Variants in TCOF1 observed in about 807,000 individuals in gnomAD.
TCOF1 encodes the protein treacle protein.
Under a neutral mutation model 149.0 loss-of-function variants are expected in TCOF1, and 33 were observed. The observed-to-expected ratio is 0.22, with a 90% confidence interval of 0.17 to 0.30. The LOEUF (loss-of-function observed/expected upper bound fraction) is 0.30. Among genes scored for constraint, TCOF1 ranks in the 10% least tolerant of loss-of-function variants. The pLI is 1.00. For missense variants in TCOF1, 1,728 were observed against 1,840.7 expected, an observed-to-expected ratio of 0.94 and a Z score of 1.12; for synonymous variants, 789 against 738.8, an observed-to-expected ratio of 1.07 and a Z score of -1.10.
chr5:150,399,257 A>C (rs1398786663), intron 26 of TCOF1, among the ~76,000 whole-genome samples, 187 bp downstream of exon 26: 2 of 152,230 alleles, frequency 1.3e-5, no homozygotes, highest in Admixed American at 6.5e-5. Flanking sequence ...CTGCAGCATC[A>C]GAAGGATCCA....
rs373649039 is a variant in TCOF1 at position 150,376,410 on chromosome 5, C to T, written c.2143-13C>T. The T allele has an allele frequency of 5.8e-5, 94 of 1,614,086 alleles. No homozygotes were observed. The highest frequency in any genetic ancestry group is 7.9e-5 in the Non-Finnish European group (93 of 1,180,030). On this transcript the variant is annotated splice_polypyrimidine_tract_variant and intron_variant, in intron 13 of 26. Coordinates refer to ENST00000643257, the MANE Select transcript of TCOF1 (RefSeq NM_001371623.1). ...GACTCCTGGAGACACCTCTCTTCCCCTTGTCATCCCAGGCAAAGTCTGTGG... is the reference window on the plus strand; with the variant it reads ...GACTCCTGGAGACACCTCTCTTCCCTTTGTCATCCCAGGCAAAGTCTGTGG...
In TCOF1 at chr5:150,367,848, A is replaced by C. The variant is rs1209030910; in HGVS notation, c.309A>C (p.Pro103=). 2.5e-6 allele frequency: 4 copies of C among 1,614,066 alleles called. No homozygotes were observed. The African/African-American group carries it at 5.3e-5, about 22-fold the overall frequency. ...GCAGATGTTTGTTTCTTGCAGCCCCAAGACTAGCATCTACCAACTCCTCAG... is the reference window on the plus strand; with the variant it reads ...GCAGATGTTTGTTTCTTGCAGCCCCCAGACTAGCATCTACCAACTCCTCAG... ...EAEAETAKAT[P]RLASTNSSVL... Residue 103 remains proline, a synonymous_variant, in exon 4 of 27, where the codon CCA becomes CCC. Transcript: ENST00000643257.
At chr5:150,396,028 C>T (rs1377569514) in intron 23 of TCOF1, among the ~76,000 whole-genome samples, 1 of 152,086 alleles carries the variant, frequency 6.6e-6, no homozygotes, top group Non-Finnish European at 1.5e-5. Context: ...CTGTCCCCCA[C>T]CCTAACTGGA....
In TCOF1 at chr5:150,369,583, G is replaced by A; in HGVS notation, c.620G>A (p.Ser207Asn). 6.2e-7 allele frequency: 1 copy of A among 1,614,182 alleles called. No individual in the cohort carries two copies. Among genetic ancestry groups the A allele is most frequent in the Non-Finnish European group, 8.5e-7 (1 of 1,180,024 alleles). Residue 207 changes from serine (S) to asparagine (N), a missense_variant, in exon 6 of 27, where the codon AGT (serine) becomes AAT (asparagine). Ser to Asn is a conservative substitution (Grantham distance 46). Coordinates refer to ENST00000643257, the MANE Select transcript of TCOF1 (RefSeq NM_001371623.1). ...TCCAGCGAGGACACCTCCAGCTCCA[G>A]TGATGAGACAGACGTGGAGGTAATT... ...DSSSEDTSSS[S>N]DETDVEGKPS... is the part of the protein sequence containing the mutation.
Position 150,368,452 on chromosome 5 carries a change from T to C in TCOF1, c.379-264T>C, listed in dbSNP as rs533894149. The C allele has an allele frequency of 1.2e-4, 61 of 525,856 alleles. No individual in the cohort carries two copies. In the South Asian group the frequency reaches 1.3e-3, roughly 11 times the overall value. The allele number at this position is 525,856 out of a possible 1,614,324, so 32.6% of individuals were successfully genotyped here. On this transcript the variant is annotated intron_variant, in intron 4 of 26. Coordinates refer to ENST00000643257, the MANE Select transcript of TCOF1 (RefSeq NM_001371623.1). ...ATGTCTCAAAGTAATTATGAAGTAA[T>C]GATAAGATCAACAACAAACTGCTAC...
At chr5:150,363,571 C>A (rs1409508903) in intron 2 of TCOF1, among the ~76,000 whole-genome samples, 1 of 152,206 alleles carries the variant, frequency 6.6e-6, no homozygotes, top group Non-Finnish European at 1.5e-5. Context: ...CTCCCTGGGC[C>A]TTTCTGTGTA....
chr5:150,376,183 C>A lies in TCOF1; in HGVS notation c.1995C>A (p.Ala665=), dbSNP rs1340755610. The A allele has an allele frequency of 1.1e-5, 17 of 1,614,084 alleles. No homozygotes were observed. The highest frequency in any genetic ancestry group is 1.1e-5 in the Non-Finnish European group (13 of 1,180,026). Residue 665 remains alanine (A), a synonymous_variant, in exon 13 of 27, where the codon GCC becomes GCA. Transcript: ENST00000643257. ...CCCCTGTGCGAGTGGGCACCCAAGC[C>A]CCCCGGAAAGCAGGAACTGCGACTT... ...KVAPVRVGTQ[A]PRKAGTATSP...
chr5:150,373,107 G>A (rs1192295096), intron 7 of TCOF1, among the ~76,000 whole-genome samples: 1 of 152,088 alleles, frequency 6.6e-6, no homozygotes, highest in Non-Finnish European at 1.5e-5. Flanking sequence ...TTGAGACAGA[G>A]TCTTGCTCTG....
intron 24 of TCOF1, among the ~76,000 whole-genome samples, chr5:150,398,097 A>G (rs1370144242): frequency 1.3e-5 from 2 of 152,076 alleles, no homozygotes; most frequent in Non-Finnish European, 1.5e-5. Flanking sequence ...TAATTTTTGT[A>G]TTTTTTGTAG....
intron 3 of TCOF1, among the ~76,000 whole-genome samples, chr5:150,366,234 C>G (rs1349758866): frequency 1.3e-5 from 2 of 151,994 alleles, no homozygotes; most frequent in African/African-American, 2.4e-5. Flanking sequence ...ACTGGTGGTC[C>G]CAGCTACTCA....
intron 5 of TCOF1, among the ~76,000 whole-genome samples, chr5:150,369,139 T>C (rs892336092): frequency 3.9e-5 from 6 of 152,214 alleles, no homozygotes; most frequent in Admixed American, 2.6e-4. Flanking sequence ...GCTTTATGAC[T>C]CCCTGGTGAG....
In TCOF1 at chr5:150,378,921, A is replaced by G. The variant is rs1562377463; in HGVS notation, c.2357A>G (p.Lys786Arg). ...ASPAQVKTSV[K>R]KTQAKANPAA... ...TCCACTCAGGTGAAAACCTCAGTAA[A>G]GAAAACCCAGGCCAAAGCCAACCCA... Residue 786 changes from lysine to arginine, a missense_variant, in exon 15 of 27, where the codon AAG becomes AGG. Around this residue, in one of 2 missense-constraint regions of TCOF1, gnomAD observed 1,696 missense variants for 1,765.4 expected, o/e 0.96. Transcript: ENST00000643257. 6.2e-7 allele frequency: 1 copy of G among 1,614,116 alleles called. No homozygotes were observed. Among genetic ancestry groups the G allele is most frequent in the Admixed American group, 1.7e-5 (1 of 60,024 alleles).
At chr5:150,370,511 A>G (rs564562732) in intron 6 of TCOF1, among the ~76,000 whole-genome samples, 41 of 152,258 alleles carry the variant, frequency 2.7e-4, no homozygotes, top group East Asian at 1.6e-3. Flanking sequence ...GCACGCCACC[A>G]CGCCTGGCTA....
At chr5:150,379,192 C>G (rs1181082079) in intron 15 of TCOF1, 37 bp from the exon 16 acceptor site, 5 of 1,614,154 alleles carry the variant, frequency 3.1e-6, no homozygotes, top group Non-Finnish European at 4.2e-6. Flanking sequence ...AAAGGAATCA[C>G]TTTTGCCTCC....
intron 24 of TCOF1, 53 bp downstream of exon 24, chr5:150,396,895 G>T: frequency 6.5e-7 from 1 of 1,548,792 alleles, no homozygotes; most frequent in Non-Finnish European, 8.7e-7. Context: ...CACCCCACGG[G>T]GGCGGGAGGG....
intron 4 of TCOF1, 35 bp downstream of exon 4, chr5:150,367,952 G>A: frequency 1.2e-6 from 2 of 1,611,362 alleles, no homozygotes; most frequent in East Asian, 4.5e-5. Flanking sequence ...ATTGCCTATG[G>A]GATTTAAGGT....
chr5:150,398,386 A>G lies in TCOF1; in HGVS notation c.4378A>G (p.Lys1460Glu), dbSNP rs376678372. The G allele has an allele frequency of 1.2e-6, 2 of 1,613,746 alleles. No homozygotes were observed. Among genetic ancestry groups the G allele is most frequent in the African/African-American group, 1.3e-5 (1 of 74,818 alleles). Reference sequence around the variant, plus strand: ...AGACAAAGAAAAAAAAGAAAAGAAGAAGAAAGCAAAAAAGGCCTCAACCAA... The same window carrying G: ...AGACAAAGAAAAAAAAGAAAAGAAGGAGAAAGCAAAAAAGGCCTCAACCAA... Reference protein sequence around the residue: ...KKDKEKKEKKKKAKKASTKDS... With the variant: ...KKDKEKKEKKEKAKKASTKDS... Residue 1460 changes from lysine (K) to glutamate (E), a missense_variant, in exon 25 of 27, where the codon AAG becomes GAG. By Grantham distance (56) the Lys-to-Glu change is moderately conservative. Coordinates refer to ENST00000643257, the MANE Select transcript of TCOF1 (RefSeq NM_001371623.1).
At chr5:150,394,978 T>C (rs1293282470) in intron 23 of TCOF1, 1 of 150,284 alleles carries the variant, frequency 6.7e-6, no homozygotes, top group Non-Finnish European at 1.5e-5. Flanking sequence ...GAGAGAGGTT[T>C]CCGGGGCTAA....
Position 150,379,701 on chromosome 5 carries a change from G to T in TCOF1, c.2828G>T (p.Gly943Val). ...GSSSEESDSD[G>V]EAPAAVTSAQ... is the part of the protein sequence containing the mutation. ...AGCAGCGAGGAATCAGACAGTGATGGGGAGGCACCGGCAGCTGTGACCTCT... is the reference window on the plus strand; with the variant it reads ...AGCAGCGAGGAATCAGACAGTGATGTGGAGGCACCGGCAGCTGTGACCTCT... Residue 943 changes from glycine (G) to valine (V), a missense_variant, in exon 17 of 27, where the codon GGG (glycine) becomes GTG (valine). Transcript: ENST00000643257. 1 of 1,614,212 alleles carries T rather than the reference G, an allele frequency of 6.2e-7. No individual in the cohort carries two copies. Among genetic ancestry groups the T allele is most frequent in the Non-Finnish European group, 8.5e-7 (1 of 1,180,040 alleles).
Sources: allele counts gnomAD v4.1 joint callset (sites outside exome capture counted in the v4.1 genomes callset), GRCh38; gene constraint gnomAD v4.1.1; regional missense constraint gnomAD v4.1.1; transcripts MANE v1.5; gene names NCBI Gene and HGNC (gene_info 2026-07-23, HGNC 2026-07-21).